Variants in CAMKMT observed in about 807,000 individuals in gnomAD.
CAMKMT encodes the protein CaM KMT.
CAMKMT carries 53 observed loss-of-function variants against 48.0 expected under a neutral mutation model. The observed-to-expected ratio is 1.10, with a 90% CI of 0.89 to 1.39. CAMKMT has a LOEUF of 1.39. Among genes scored for constraint, CAMKMT ranks in the 40% most tolerant of loss-of-function variants. The pLI is 0.00. For synonymous variants in CAMKMT, 165 were observed against 152.3 expected (o/e 1.08, Z -0.61); for missense variants, 428 against 402.7 (o/e 1.06, Z -0.54).
At chr2:44,436,196 C>G (rs1003556101) in intron 3 of CAMKMT, among the ~76,000 whole-genome samples, 4 of 152,146 alleles carry the variant, frequency 2.6e-5, no homozygotes, top group Non-Finnish European at 5.9e-5. Context: ...GTGCCTCAGC[C>G]ACCTGAGTAA....
Position 44,672,919 on chromosome 2 carries a change from T to C in CAMKMT, c.377-31364T>C, listed in dbSNP as rs115961167. ...GTAGCAGTTCTAATAAACAGACATT[T>C]CATAACTACTAATCAAAATAAGTCA... On this transcript the variant is annotated intron_variant, in intron 3 of 10. Transcript: ENST00000378494. Among the ~76,000 whole-genome samples, 564 of 152,326 alleles carry C rather than the reference T, an allele frequency of 3.7e-3. 2 individuals are homozygous for C. Among genetic ancestry groups the C allele is most frequent in the African/African-American group, 0.013 (542 of 41,576 alleles).
At chr2:44,691,554 G>C (rs1390664122) in intron 3 of CAMKMT, among the ~76,000 whole-genome samples, 1 of 152,202 alleles carries the variant, frequency 6.6e-6, no homozygotes, top group Non-Finnish European at 1.5e-5. Context: ...TGAAATACTT[G>C]AGTAATTTTT....
intron 3 of CAMKMT, among the ~76,000 whole-genome samples, chr2:44,479,233 T>G (rs1668846773): frequency 6.6e-6 from 1 of 152,194 alleles, no homozygotes; most frequent in Non-Finnish European, 1.5e-5. Flanking sequence ...CATTTTATAC[T>G]CAATAAAAAC....
intron 4 of CAMKMT, among the ~76,000 whole-genome samples, chr2:44,706,015 G>A (rs965363575): frequency 2.0e-5 from 3 of 152,166 alleles, no homozygotes; most frequent in Non-Finnish European, 2.9e-5. Context: ...GGGAAAAAAA[G>A]GGAACCTTCT....
chr2:44,582,190 C>G (rs1669602811), intron 3 of CAMKMT, among the ~76,000 whole-genome samples: 1 of 152,170 alleles, frequency 6.6e-6, no homozygotes, highest in Non-Finnish European at 1.5e-5. Context: ...CATGGAAGAA[C>G]AGAAAGAATG....
rs1681137790 is a variant in CAMKMT, at chr2:44,772,028, G to GT, written c.895-4dup. On this transcript the variant is annotated splice_region_variant and splice_polypyrimidine_tract_variant and intron_variant, in intron 10 of 10. Coordinates refer to ENST00000378494, the MANE Select transcript of CAMKMT (RefSeq NM_024766.5). ...CCCTTACCTTTTTCTTTCTATTATT[G>GT]TTTTCAGTTGAAAAAGGAAAACCCG... 1 of 1,603,032 alleles carries GT rather than the reference G, an allele frequency of 6.2e-7. No homozygotes were observed. The highest frequency in any genetic ancestry group is 1.3e-5 in the African/African-American group (1 of 74,476).
At chr2:44,551,674 C>G (rs911158650) in intron 3 of CAMKMT, among the ~76,000 whole-genome samples, 13 of 152,110 alleles carry the variant, frequency 8.5e-5, no homozygotes, top group African/African-American at 3.1e-4. Flanking sequence ...AAAGATTTGT[C>G]GAAAACTCAT....
At position 44,409,866 on chromosome 2, in the gene CAMKMT, T is replaced by C. The variant is rs144331603; in HGVS notation, c.376+19561T>C. 9.2e-4 allele frequency among the ~76,000 whole-genome samples: 140 copies of C among 152,266 alleles called. 1 individual carries two copies. Among genetic ancestry groups the C allele is most frequent in the African/African-American group, 3.1e-3 (130 of 41,560 alleles). ...CATTCAGTAATTCAGTTAACCAATA[T>C]TTACCATGCTAGACAATCTGTTAGG... On this transcript the variant is annotated intron_variant, in intron 3 of 10. Transcript: ENST00000378494.
chr2:44,766,818 A>T (rs1430738974), intron 10 of CAMKMT, among the ~76,000 whole-genome samples: 1 of 152,216 alleles, frequency 6.6e-6, no homozygotes, highest in Non-Finnish European at 1.5e-5. Flanking sequence ...ATAATAGACT[A>T]ATTTGTAGGA....
At chr2:44,482,175 C>G (rs951376908) in intron 3 of CAMKMT, among the ~76,000 whole-genome samples, 4 of 151,906 alleles carry the variant, frequency 2.6e-5, no homozygotes, top group African/African-American at 7.3e-5. Flanking sequence ...ACTGATATGC[C>G]TGAATTTGAG....
At chr2:44,472,387 A>G (rs930540760) in intron 3 of CAMKMT, among the ~76,000 whole-genome samples, 1 of 152,228 alleles carries the variant, frequency 6.6e-6, no homozygotes, top group Non-Finnish European at 1.5e-5. Flanking sequence ...GAGATAATGT[A>G]TATAAAGTAC....
At chr2:44,742,075 A>C (rs906657193) in intron 7 of CAMKMT, among the ~76,000 whole-genome samples, 1 of 151,996 alleles carries the variant, frequency 6.6e-6, no homozygotes, top group African/African-American at 2.4e-5. Flanking sequence ...CTCATGGTTC[A>C]AGTCTTAGAC....
At chr2:44,526,566 G>A (rs940193337) in intron 3 of CAMKMT, among the ~76,000 whole-genome samples, 3 of 152,178 alleles carry the variant, frequency 2.0e-5, no homozygotes, top group African/African-American at 7.2e-5. Flanking sequence ...GAGTCCGAAG[G>A]TCCAAGAACT....
chr2:44,697,785 A>G (rs1244438940), intron 3 of CAMKMT, among the ~76,000 whole-genome samples: 1 of 152,122 alleles, frequency 6.6e-6, no homozygotes, highest in African/African-American at 2.4e-5. Flanking sequence ...AGATAAAAGC[A>G]AAAAATGCTA....
Position 44,604,461 on chromosome 2 carries a change from G to A in CAMKMT, c.377-99822G>A, listed in dbSNP as rs983903429. 1.2e-4 allele frequency among the ~76,000 whole-genome samples: 18 copies of A among 151,616 alleles called. 1 individual carries two copies. The highest frequency in any genetic ancestry group is 1.1e-3 in the Admixed American group (17 of 15,228). Reference sequence around the variant, plus strand: ...AGAAACCCTTATCTGAAAACCCCATGTAGTAGGGTAATTCAGAGTCGGAAG... The same window carrying A: ...AGAAACCCTTATCTGAAAACCCCATATAGTAGGGTAATTCAGAGTCGGAAG... On this transcript the variant is annotated intron_variant, in intron 3 of 10. Transcript: ENST00000378494.
chr2:44,633,337 G>T (rs776790695), intron 3 of CAMKMT, among the ~76,000 whole-genome samples: 1 of 152,010 alleles, frequency 6.6e-6, no homozygotes, highest in Non-Finnish European at 1.5e-5. Flanking sequence ...CAAGTTTTGG[G>T]CTTATTCCTT....
intron 4 of CAMKMT, among the ~76,000 whole-genome samples, chr2:44,704,696 A>G (rs1677451295): frequency 6.6e-6 from 1 of 151,718 alleles, no homozygotes; most frequent in Non-Finnish European, 1.5e-5. Context: ...AAAAAAAAAA[A>G]AAAACCAATA....
chr2:44,370,952 A>C (rs751423497), intron 1 of CAMKMT, among the ~76,000 whole-genome samples: 4 of 152,186 alleles, frequency 2.6e-5, no homozygotes, highest in Non-Finnish European at 5.9e-5. Flanking sequence ...CTAGGACTAC[A>C]GGCAGACACC....
Position 44,592,682 on chromosome 2 carries a change from G to A in CAMKMT, c.377-111601G>A, listed in dbSNP as rs184574567. On this transcript the variant is annotated intron_variant, in intron 3 of 10. Transcript: ENST00000378494. The stretch of plus-strand genomic sequence containing the variant: ...GTATGTAAGTATAGGAAAAAACATA[G>A]TATATACAGGGTTCAGTCCTATCTG... Among the ~76,000 whole-genome samples, 3 of 152,268 alleles carry A rather than the reference G, an allele frequency of 2.0e-5. No homozygotes were observed. In the East Asian group the frequency reaches 5.8e-4, roughly 29 times the overall value.
Sources: gnomAD v4.1 joint callset for allele counts (sites outside exome capture counted in the v4.1 genomes callset) on GRCh38, gnomAD v4.1.1 for gene constraint, MANE v1.5 for transcripts, NCBI Gene and HGNC (gene_info 2026-07-23, HGNC 2026-07-21) for gene names.